The following ALKBH1 variants were observed in gnomAD, a reference collection of about 807,000 sequenced individuals.
ALKBH1 encodes alkB homolog 1, histone H2A dioxygenase.
Under a neutral mutation model 36.6 loss-of-function variants are expected in ALKBH1, and 31 were observed. The observed-to-expected ratio is 0.85, with a 90% CI of 0.64 to 1.14. ALKBH1 has a LOEUF of 1.14. Ranked by LOEUF, ALKBH1 falls within the 50% of genes most tolerant of loss-of-function variation. ALKBH1 has a pLI of 0.00. For missense variants in ALKBH1, 490 were observed against 497.3 expected, an observed-to-expected ratio of 0.99 and a Z score of 0.14; for synonymous variants, 183 against 186.6, an observed-to-expected ratio of 0.98 and a Z score of 0.16.
intron 2 of ALKBH1, among the ~76,000 whole-genome samples, chr14:77,702,333 C>T (rs891170399): frequency 4.6e-5 from 7 of 151,850 alleles, no homozygotes; most frequent in South Asian, 2.1e-4. Context: ...AAAATAAGTG[C>T]TAGAGTTGAA....
intron 2 of ALKBH1, among the ~76,000 whole-genome samples, chr14:77,702,006 T>C (rs930350044): frequency 1.3e-5 from 2 of 152,082 alleles, no homozygotes; most frequent in Non-Finnish European, 2.9e-5. Flanking sequence ...GCCTTAAAAA[T>C]AGGTACTAGA....
At chr14:77,678,086 C>CAAA (rs1388754340) in intron 4 of ALKBH1, among the ~76,000 whole-genome samples, 242 of 3,320 alleles carry the variant, frequency 0.073, 3 homozygotes, top group Middle Eastern at 0.2. Context: ...AATATTATCA[C>CAAA]CAAAAAAAAA....
At chr14:77,675,923 C>T in intron 4 of ALKBH1, 74 bp from the exon 5 acceptor site, 1 of 1,208,332 alleles carries the variant, frequency 8.3e-7, no homozygotes, top group Non-Finnish European at 1.2e-6. Flanking sequence ...AGATTAATTA[C>T]CACTTTAAAA....
chr14:77,700,653 G>C (rs1419106746), intron 2 of ALKBH1, among the ~76,000 whole-genome samples: 3 of 152,076 alleles, frequency 2.0e-5, no homozygotes, highest in Non-Finnish European at 4.4e-5. Flanking sequence ...ACGAAATAAA[G>C]AATATTATAA....
In ALKBH1 at chr14:77,694,685, C is replaced by G. The variant is rs903330489; in HGVS notation, c.455+53G>C. On this transcript the variant is annotated intron_variant, in intron 3 of 5. Coordinates refer to ENST00000216489, the MANE Select transcript of ALKBH1 (RefSeq NM_006020.3). The stretch of plus-strand genomic sequence containing the variant: ...GTTATAGAACAGTTCCTTCAAAGAC[C>G]TGTGATGATCTGAGCTGAGTATTAA... The G allele has an allele frequency of 2.9e-6, 4 of 1,389,128 alleles. No homozygotes were observed. In the African/African-American group the frequency reaches 5.9e-5, roughly 20 times the overall value. The allele number at this position is 1,389,128 out of a possible 1,614,324, so 86.1% of individuals were successfully genotyped here. A position where few individuals can be genotyped will look rare whatever the true frequency, so the allele number is the denominator to read the frequency against.
At chr14:77,691,986 T>A (rs1193971499) in intron 3 of ALKBH1, 2 of 152,204 alleles carry the variant, frequency 1.3e-5, no homozygotes, top group Admixed American at 6.5e-5. Flanking sequence ...CCATAACCTA[T>A]AGACCAAGGT....
At chr14:77,686,662 T>G (rs2080270127) in intron 3 of ALKBH1, among the ~76,000 whole-genome samples, 1 of 152,216 alleles carries the variant, frequency 6.6e-6, no homozygotes, top group Non-Finnish European at 1.5e-5. Flanking sequence ...TCTCGTTTTG[T>G]CGCCAGGCTG....
At chr14:77,693,131 G>A (rs35204328) in intron 3 of ALKBH1, among the ~76,000 whole-genome samples, 26,886 of 150,900 alleles carry the variant, frequency 0.18, 2,511 homozygotes, top group East Asian at 0.25. Context: ...GCTTGAACCC[G>A]GGAGGTGGAG....
intron 3 of ALKBH1, among the ~76,000 whole-genome samples, chr14:77,693,725 C>T (rs1455113659): frequency 1.3e-5 from 2 of 152,242 alleles, no homozygotes; most frequent in Middle Eastern, 3.4e-3. Flanking sequence ...TGGTGGCTCA[C>T]GCCTGTAGTC....
intron 2 of ALKBH1, among the ~76,000 whole-genome samples, chr14:77,699,947 T>C (rs1227773158): frequency 6.6e-6 from 1 of 151,870 alleles, no homozygotes; most frequent in East Asian, 1.9e-4. Flanking sequence ...CTCAGCTACT[T>C]GGGAGGCTGA....
At chr14:77,689,744 T>TG (rs2080287312) in intron 3 of ALKBH1, among the ~76,000 whole-genome samples, 2 of 151,882 alleles carry the variant, frequency 1.3e-5, no homozygotes. Flanking sequence ...AGGGTAACAG[T>TG]GGGAAAAAAG....
At chr14:77,700,103 C>G (rs1038143326) in intron 2 of ALKBH1, among the ~76,000 whole-genome samples, 6 of 151,918 alleles carry the variant, frequency 3.9e-5, no homozygotes, top group African/African-American at 1.5e-4. Flanking sequence ...TAGGCTCTAA[C>G]CAAACAAATC....
intron 3 of ALKBH1, among the ~76,000 whole-genome samples, chr14:77,681,925 T>A (rs764279994): frequency 6.6e-6 from 1 of 152,232 alleles, no homozygotes; most frequent in Non-Finnish European, 1.5e-5. Context: ...TTTGGAGGCA[T>A]GCACCTGGTT....
At chr14:77,683,149 C>CT (rs34921168) in intron 3 of ALKBH1, 14,017 of 403,654 alleles carry the variant, frequency 0.035, 383 homozygotes, top group African/African-American at 0.083. Flanking sequence ...GCTGTAAAGT[C>CT]TTTTTTTTTT....
chr14:77,688,513 C>T (rs7147748), intron 3 of ALKBH1, among the ~76,000 whole-genome samples: 15,056 of 150,032 alleles, frequency 0.1, 895 homozygotes, highest in African/African-American at 0.15. Context: ...CTCAGCCTCC[C>T]AGAGTGCTGG....
rs1222628806 is a variant in ALKBH1, at chr14:77,679,867, A to G, written c.546+13T>C. The stretch of plus-strand genomic sequence containing the variant: ...ATAAACAGAAAACAAAAGAATTAAG[A>G]AAACCTGAATACCTTACTGTCCCAG... On this transcript the variant is annotated intron_variant, in intron 4 of 5. Transcript: ENST00000216489. 1.2e-6 allele frequency: 2 copies of G among 1,607,660 alleles called. No homozygotes were observed. Among genetic ancestry groups the G allele is most frequent in the African/African-American group, 2.7e-5 (2 of 74,724 alleles).
chr14:77,702,700 C>T (rs559126632), intron 2 of ALKBH1, among the ~76,000 whole-genome samples: 11 of 152,144 alleles, frequency 7.2e-5, no homozygotes, highest in South Asian at 6.2e-4. Flanking sequence ...TTTAAAATTG[C>T]AGACGAATCT....
intron 2 of ALKBH1, among the ~76,000 whole-genome samples, chr14:77,698,696 G>A (rs1165483817): frequency 1.3e-5 from 2 of 152,228 alleles, no homozygotes; most frequent in Non-Finnish European, 2.9e-5. Context: ...GTCTAGACCA[G>A]AGGTCAGCAA....
At chr14:77,686,902 G>C (rs1566814012) in intron 3 of ALKBH1, among the ~76,000 whole-genome samples, 1 of 152,188 alleles carries the variant, frequency 6.6e-6, no homozygotes, top group Non-Finnish European at 1.5e-5. Flanking sequence ...GATTACAGGC[G>C]TAAGCCACTG....
Sources: allele counts gnomAD v4.1 joint callset (sites outside exome capture counted in the v4.1 genomes callset), GRCh38; gene constraint gnomAD v4.1.1; transcripts MANE v1.5; gene names NCBI Gene and HGNC (gene_info 2026-07-23, HGNC 2026-07-21).